The following WDR5 variants were observed in gnomAD, a reference collection of about 807,000 sequenced individuals.
The protein encoded by WDR5 is WD repeat-containing protein 5.
For missense variants in WDR5, 187 were observed against 416.9 expected, an observed-to-expected ratio of 0.45 and a Z score of 4.80; for synonymous variants, 144 against 161.6, an observed-to-expected ratio of 0.89 and a Z score of 0.83.
chr9:134,148,013 A>G (rs541945785), intron 7 of WDR5, among the ~76,000 whole-genome samples: 1 of 152,060 alleles, frequency 6.6e-6, no homozygotes, highest in South Asian at 2.1e-4. Flanking sequence ...ATATATAAAA[A>G]TTAGCTGGGC....
At chr9:134,146,320 C>T (rs939667499) in intron 7 of WDR5, among the ~76,000 whole-genome samples, 13 of 151,862 alleles carry the variant, frequency 8.6e-5, no homozygotes, top group Non-Finnish European at 1.6e-4. Context: ...CTGCAACCTC[C>T]GCCTCCTGGG....
intron 3 of WDR5, among the ~76,000 whole-genome samples, chr9:134,141,068 G>C (rs1206199493): frequency 6.6e-6 from 1 of 152,182 alleles, no homozygotes; most frequent in Non-Finnish European, 1.5e-5. Context: ...CGGATCACGA[G>C]GTCAGGAGTT....
rs1832823891 is a variant in WDR5, at chr9:134,157,945, T to G, written c.957T>G (p.Ala319=). 2 of 1,614,176 alleles carry G rather than the reference T, an allele frequency of 1.2e-6. No homozygotes were observed. Among genetic ancestry groups the G allele is most frequent in the African/African-American group, 2.7e-5 (2 of 75,052 alleles). ...CAACAGAAAACATCATCGCCTCTGC[T>G]GCGCTAGAAAATGACAAAACAATTA... ...CHPTENIIAS[A]ALENDKTIKL... is the part of the protein sequence containing the mutation. The change falls in exon 14 of 14, where the codon GCT becomes GCG. Residue 319 remains alanine (A), a synonymous_variant. Coordinates refer to ENST00000358625, the MANE Select transcript of WDR5 (RefSeq NM_017588.3). The surrounding 1 kb of genome is among the most constrained non-coding windows in gnomAD (Gnocchi z 5.0).
At chr9:134,137,453 CG>C (rs1564186134) in intron 1 of WDR5, among the ~76,000 whole-genome samples, 1 of 151,974 alleles carries the variant, frequency 6.6e-6, no homozygotes, top group African/African-American at 2.4e-5. Context: ...GAGGCTGAGG[CG>C]GGCGGATTGC....
At position 134,155,735 on chromosome 9, in the gene WDR5, A is replaced by G. The variant is rs200750750; in HGVS notation, c.784A>G (p.Ile262Val). Residue 262 changes from isoleucine (I) to valine (V), a missense_variant, in exon 12 of 14, where the codon ATA (isoleucine) becomes GTA (valine). Transcript: ENST00000358625. The part of the protein sequence containing the change: ...YTGHKNEKYC[I>V]FANFSVTGGK... ...TGGCCACAAGAATGAGAAATACTGC[A>G]TATTTGCCAATTTCTCTGTTACTGG... 5.9e-5 allele frequency: 95 copies of G among 1,614,152 alleles called. 1 individual carries two copies. In the East Asian group the frequency reaches 1.8e-3, roughly 31 times the overall value.
At chr9:134,142,769 G>T in intron 7 of WDR5, 50 bp downstream of exon 7, 1 of 1,584,558 alleles carries the variant, frequency 6.3e-7, no homozygotes, top group South Asian at 1.1e-5. Context: ...ACGTTTCTCT[G>T]ACATCGGATG....
intron 2 of WDR5, 65 bp from the exon 3 acceptor site, chr9:134,140,638 T>G: frequency 1.4e-6 from 2 of 1,396,310 alleles, no homozygotes; most frequent in East Asian, 4.6e-5. Context: ...GGAGTCAAAA[T>G]CCAAACTGGT....
chr9:134,156,241 C>T (rs1005180397), intron 12 of WDR5, among the ~76,000 whole-genome samples: 7 of 152,226 alleles, frequency 4.6e-5, no homozygotes, highest in African/African-American at 1.4e-4. Context: ...ATCTTCCATC[C>T]TGGAAGCCTC....
chr9:134,138,734 G>A (rs1259583540), intron 1 of WDR5, among the ~76,000 whole-genome samples: 12 of 152,226 alleles, frequency 7.9e-5, no homozygotes, highest in Non-Finnish European at 1.5e-5. Flanking sequence ...AAGACTTTGA[G>A]ACATGCTTTT....
At chr9:134,152,566 C>G (rs1832549300) in intron 9 of WDR5, among the ~76,000 whole-genome samples, 1 of 152,214 alleles carries the variant, frequency 6.6e-6, no homozygotes, top group Non-Finnish European at 1.5e-5. Flanking sequence ...CCAGCTGCCC[C>G]TTGCAGAGCC....
In WDR5 at chr9:134,140,730, C is replaced by A; in HGVS notation, c.109C>A (p.Leu37Ile). The change falls in exon 3 of 14, where the codon CTA (leucine) becomes ATA (isoleucine). Residue 37 changes from leucine (L) to isoleucine (I), a missense_variant. Transcript: ENST00000358625. ...TACACCTGTGAAGCCAAACTATGCT[C>A]TAAAGTTCACCCTTGCTGGCCACAC... Reference protein sequence around the residue: ...KPTPVKPNYALKFTLAGHTKA... With the variant: ...KPTPVKPNYAIKFTLAGHTKA... 1 of 1,614,204 alleles carries A rather than the reference C, an allele frequency of 6.2e-7. No homozygotes were observed. The highest frequency in any genetic ancestry group is 8.5e-7 in the Non-Finnish European group (1 of 1,180,036).
intron 7 of WDR5, among the ~76,000 whole-genome samples, chr9:134,144,216 A>G (rs1451810837): frequency 2.0e-5 from 3 of 152,182 alleles, no homozygotes; most frequent in Non-Finnish European, 4.4e-5. Context: ...GCCCAGTGTC[A>G]CTGCTGCGGG....
rs374073051 is a variant in WDR5, at chr9:134,149,174, CTG to C, written c.584+833_584+834del. Among the ~76,000 whole-genome samples, 523 of 152,330 alleles carry C rather than the reference CTG, an allele frequency of 3.4e-3. 1 individual carries two copies. The highest frequency in any genetic ancestry group is 0.012 in the African/African-American group (479 of 41,564). On this transcript the variant is annotated intron_variant, in intron 8 of 13. Transcript: ENST00000358625. ...GTGGGGATCCCCAGGGGGTCACAGTCTGTAGTCGCCATGCATGACCCCCCATC... is the reference window on the plus strand; with the variant it reads ...GTGGGGATCCCCAGGGGGTCACAGTCTAGTCGCCATGCATGACCCCCCATC...
chr9:134,148,452 T>G (rs538583772), intron 8 of WDR5, 109 bp downstream of exon 8: 17 of 1,001,156 alleles, frequency 1.7e-5, no homozygotes, highest in Non-Finnish European at 2.5e-5. Flanking sequence ...CCCAAGTCCT[T>G]AATTTCCGAA....
chr9:134,145,096 GTTTTTTT>G (rs56864188), intron 7 of WDR5, among the ~76,000 whole-genome samples: 3,305 of 104,742 alleles, frequency 0.032, 94 homozygotes, highest in Non-Finnish European at 0.046. Context: ...GTGGGGCTTT[GTTTTTTT>G]TTTTTTTTTT....
chr9:134,141,415 C>A, intron 3 of WDR5, 95 bp from the exon 4 acceptor site: 1 of 1,225,400 alleles, frequency 8.2e-7, no homozygotes, highest in Non-Finnish European at 1.2e-6. Flanking sequence ...TGCTGATCAC[C>A]TGGGACTCAT....
intron 4 of WDR5, 26 bp downstream of exon 4, chr9:134,141,609 G>A: frequency 1.2e-6 from 2 of 1,612,756 alleles, no homozygotes; most frequent in Non-Finnish European, 1.7e-6. Context: ...GTGCGGTGAA[G>A]TTGACTGTTG....
intron 12 of WDR5, 81 bp downstream of exon 12, chr9:134,155,848 T>C: frequency 1.5e-6 from 2 of 1,318,132 alleles, no homozygotes; most frequent in South Asian, 1.3e-5. Context: ...GGTTGCTTTA[T>C]ACTCAGAGAC....
rs775988416 is a variant in WDR5, at chr9:134,157,998, C to T, written c.*5C>T. 5.6e-6 allele frequency: 9 copies of T among 1,613,280 alleles called. No homozygotes were observed. The Admixed American group carries it at 8.3e-5, about 15-fold the overall frequency. The stretch of plus-strand genomic sequence containing the variant: ...CTGTGGAAGAGTGACTGCTAAGTCC[C>T]TTTGCTCCTGCCCGCGAGAGACTGT... On this transcript the variant is annotated 3_prime_UTR_variant, in exon 14 of 14. Transcript: ENST00000358625. This position sits in a 1 kb window ranked among gnomAD's most constrained non-coding sequence, Gnocchi z 5.0.
Sources: gnomAD v4.1 joint callset for allele counts (sites outside exome capture counted in the v4.1 genomes callset) on GRCh38, gnomAD v4.1.1 for gene constraint, Gnocchi (gnomAD v3.1) non-coding constraint, MANE v1.5 for transcripts, NCBI Gene and HGNC (gene_info 2026-07-23, HGNC 2026-07-21) for gene names.